The following AFF3 variants were observed in gnomAD, a reference collection of about 807,000 sequenced individuals.
The protein encoded by AFF3 is ALF transcription elongation factor 3.
AFF3 carries 32 observed loss-of-function variants against 129.7 expected under a neutral mutation model. The observed-to-expected ratio is 0.25, with a 90% CI of 0.19 to 0.33. AFF3 has a LOEUF of 0.33. Ranked by LOEUF, AFF3 falls within the 10% of genes least tolerant of loss-of-function variation. AFF3 has a pLI of 1.00. For missense variants in AFF3, 1,373 were observed against 1,592.0 expected, an observed-to-expected ratio of 0.86 and a Z score of 2.34; for synonymous variants, 644 against 635.4, an observed-to-expected ratio of 1.01 and a Z score of -0.20.
chr2:99,966,812 A>T lies in AFF3; in HGVS notation c.873+39820T>A, dbSNP rs571979489. Among the ~76,000 whole-genome samples the T allele has an allele frequency of 4.0e-5, 6 of 151,478 alleles. No individual in the cohort carries two copies. The East Asian group carries it at 1.2e-3, about 30-fold the overall frequency. On this transcript the variant is annotated intron_variant, in intron 7 of 24. Coordinates refer to ENST00000672756, the MANE Select transcript of AFF3 (RefSeq NM_001386135.1). ...TGATAAATAAAATCTTTATCATAATATTTATGAGGAAAATAATTGATTCTG... is the reference window on the plus strand; with the variant it reads ...TGATAAATAAAATCTTTATCATAATTTTTATGAGGAAAATAATTGATTCTG...
rs112563556 is a variant in AFF3, at chr2:99,956,925, G to A, written c.873+49707C>T. ...AGAATCATAATGTAAAATAGGTTAA[G>A]CATAAAACAAAATAATATAAGCACC... On this transcript the variant is annotated intron_variant, in intron 7 of 24. Coordinates refer to ENST00000672756, the MANE Select transcript of AFF3 (RefSeq NM_001386135.1). 6.7e-3 allele frequency among the ~76,000 whole-genome samples: 1,022 copies of A among 152,290 alleles called. 5 individuals are homozygous for A. Among genetic ancestry groups the A allele is most frequent in the African/African-American group, 0.017 (716 of 41,542 alleles).
At chr2:100,111,914 G>C (rs760096158) in intron 2 of AFF3, among the ~76,000 whole-genome samples, 1 of 152,188 alleles carries the variant, frequency 6.6e-6, no homozygotes, top group Non-Finnish European at 1.5e-5. Context: ...TGTTTCCAGT[G>C]GTGGGGAGTG....
intron 14 of AFF3, among the ~76,000 whole-genome samples, chr2:99,596,282 C>A (rs1172949107): frequency 6.6e-6 from 1 of 152,146 alleles, no homozygotes; most frequent in Admixed American, 6.5e-5. Flanking sequence ...GTGCATGTGG[C>A]GGTGGCAGAT....
chr2:99,820,397 T>C (rs1687564487), intron 8 of AFF3, among the ~76,000 whole-genome samples: 1 of 151,966 alleles, frequency 6.6e-6, no homozygotes, highest in Admixed American at 6.6e-5. Context: ...AGGTTGAAAA[T>C]GGTCCATCTG....
intron 13 of AFF3, among the ~76,000 whole-genome samples, chr2:99,639,306 C>T (rs1330824079): frequency 6.6e-6 from 1 of 152,142 alleles, no homozygotes; most frequent in Non-Finnish European, 1.5e-5. Context: ...GATTTTTAGA[C>T]CCGACAGCCT....
At chr2:99,786,055 T>C (rs1684764381) in intron 8 of AFF3, among the ~76,000 whole-genome samples, 1 of 152,274 alleles carries the variant, frequency 6.6e-6, no homozygotes, top group Non-Finnish European at 1.5e-5. Flanking sequence ...ACTTAGTGCC[T>C]GTGCCCCATT....
chr2:99,778,224 C>T (rs984576148), intron 8 of AFF3, among the ~76,000 whole-genome samples: 1 of 152,156 alleles, frequency 6.6e-6, no homozygotes, highest in South Asian at 2.1e-4. Context: ...TTCCTCTGGT[C>T]TCCTCCTCCT....
chr2:100,034,372 AT>A (rs961402518), intron 4 of AFF3, among the ~76,000 whole-genome samples: 1 of 152,228 alleles, frequency 6.6e-6, no homozygotes, highest in Non-Finnish European at 1.5e-5. Context: ...ATAAAATTAA[AT>A]ATAGAAATTA....
chr2:99,567,704 A>C (rs1290635736), intron 19 of AFF3, among the ~76,000 whole-genome samples: 1 of 152,168 alleles, frequency 6.6e-6, no homozygotes, highest in Non-Finnish European at 1.5e-5. Flanking sequence ...GGCAGGAGCA[A>C]GGTGTGCTTA....
chr2:99,692,683 G>GGAA (rs1380806093), intron 11 of AFF3, among the ~76,000 whole-genome samples: 1 of 152,090 alleles, frequency 6.6e-6, no homozygotes, highest in Non-Finnish European at 1.5e-5. Flanking sequence ...TGCCTTCCCC[G>GGAA]ACCTTCCCTC....
chr2:99,652,789 T>A (rs1685388133), intron 12 of AFF3, among the ~76,000 whole-genome samples: 1 of 152,120 alleles, frequency 6.6e-6, no homozygotes, highest in Non-Finnish European at 1.5e-5. Flanking sequence ...ATCCAAGGGG[T>A]TACTGTCCCC....
At position 99,941,294 on chromosome 2, in the gene AFF3, A is replaced by C. The variant is rs13409756; in HGVS notation, c.873+65338T>G. ...CCTCATAGGACAGCAGGGATTCTTT[A>C]GAGGATTGGGCAGCTCTCACTGCTA... On this transcript the variant is annotated intron_variant, in intron 7 of 24. Coordinates refer to ENST00000672756, the MANE Select transcript of AFF3 (RefSeq NM_001386135.1). 5.3e-3 allele frequency among the ~76,000 whole-genome samples: 811 copies of C among 152,288 alleles called. 6 individuals are homozygous for C. Among genetic ancestry groups the C allele is most frequent in the African/African-American group, 0.019 (778 of 41,546 alleles).
intron 16 of AFF3, among the ~76,000 whole-genome samples, chr2:99,586,237 C>T (rs1678102333): frequency 6.6e-6 from 1 of 152,226 alleles, no homozygotes; most frequent in South Asian, 2.1e-4. Flanking sequence ...GGCATCCACC[C>T]TGCAAAGAGG....
At chr2:99,703,023 A>G (rs1677019981) in intron 11 of AFF3, among the ~76,000 whole-genome samples, 1 of 152,182 alleles carries the variant, frequency 6.6e-6, no homozygotes, top group South Asian at 2.1e-4. Context: ...ATGTTTTCAT[A>G]TTAGTTTCCT....
intron 16 of AFF3, among the ~76,000 whole-genome samples, chr2:99,583,534 C>T (rs1051675434): frequency 6.6e-6 from 1 of 152,054 alleles, no homozygotes; most frequent in Non-Finnish European, 1.5e-5. Flanking sequence ...AGGTATGCAT[C>T]ACCACACCGG....
At chr2:100,020,986 C>G (rs1233172853) in intron 4 of AFF3, among the ~76,000 whole-genome samples, 1 of 152,204 alleles carries the variant, frequency 6.6e-6, no homozygotes, top group Non-Finnish European at 1.5e-5. Context: ...TGCTCAAGGT[C>G]AGCTCCCAAT....
intron 2 of AFF3, among the ~76,000 whole-genome samples, chr2:100,128,175 G>T (rs1484232513): frequency 1.3e-5 from 2 of 152,142 alleles, no homozygotes; most frequent in African/African-American, 4.8e-5. Context: ...ATAAAAATGG[G>T]CAACCAGCAG....
At chr2:99,845,356 G>A (rs1454527222) in intron 7 of AFF3, among the ~76,000 whole-genome samples, 1 of 152,188 alleles carries the variant, frequency 6.6e-6, no homozygotes, top group Non-Finnish European at 1.5e-5. Flanking sequence ...AGAGCCTATA[G>A]TTAAAAGCAT....
At chr2:99,656,123 G>A (rs1685726740) in intron 12 of AFF3, among the ~76,000 whole-genome samples, 1 of 152,176 alleles carries the variant, frequency 6.6e-6, no homozygotes, top group South Asian at 2.1e-4. Context: ...TGTTTCAGTG[G>A]AGACTCTGAG....
Sources: allele counts gnomAD v4.1 joint callset (sites outside exome capture counted in the v4.1 genomes callset), GRCh38; gene constraint gnomAD v4.1.1; transcripts MANE v1.5; gene names NCBI Gene and HGNC (gene_info 2026-07-23, HGNC 2026-07-21).